Variants in GRIN2A observed in about 807,000 individuals in gnomAD.
The protein encoded by GRIN2A is glutamate ionotropic receptor NMDA type subunit 2A.
A neutral mutation model predicts 113.4 loss-of-function variants in GRIN2A; 22 were observed. The ratio of observed to expected loss-of-function variants is 0.19; its 90% CI spans 0.14 to 0.28. GRIN2A has a LOEUF of 0.28. Among genes scored for constraint, GRIN2A ranks in the 10% least tolerant of loss-of-function variants. The pLI is 1.00. For synonymous variants in GRIN2A, 827 were observed against 738.4 expected, an observed-to-expected ratio of 1.12 and a Z score of -1.94; for missense variants, 1,502 against 1,887.0, an observed-to-expected ratio of 0.80 and a Z score of 3.78.
chr16:10,169,267 T>C (rs937297122), intron 2 of GRIN2A, among the ~76,000 whole-genome samples: 5 of 152,168 alleles, frequency 3.3e-5, no homozygotes, highest in African/African-American at 1.2e-4. Flanking sequence ...ATATCACTCC[T>C]CGGAACTAAG....
chr16:9,777,567 A>C (rs527266150), intron 11 of GRIN2A, among the ~76,000 whole-genome samples: 17 of 152,382 alleles, frequency 1.1e-4, no homozygotes, highest in Non-Finnish European at 1.9e-4. Flanking sequence ...AAATGTATCC[A>C]GTTAGAGGCA....
At position 9,918,522 on chromosome 16, in the gene GRIN2A, G is replaced by C. The variant is rs1410874937; in HGVS notation, c.1007+19437C>G. ...AATATTTTCAGACTATGGGTAACTGGAATCACAGAAAGAAAAACCAAGGAT... is the reference window on the plus strand; with the variant it reads ...AATATTTTCAGACTATGGGTAACTGCAATCACAGAAAGAAAAACCAAGGAT... On this transcript the variant is annotated intron_variant, in intron 3 of 12. Coordinates refer to ENST00000330684, the MANE Select transcript of GRIN2A (RefSeq NM_001134407.3). 2.6e-5 allele frequency among the ~76,000 whole-genome samples: 4 copies of C among 152,068 alleles called. No individual in the cohort carries two copies. In the East Asian group the frequency reaches 7.7e-4, roughly 29 times the overall value.
intron 2 of GRIN2A, among the ~76,000 whole-genome samples, chr16:10,134,466 G>A (rs186042677): frequency 6.6e-6 from 1 of 150,494 alleles, no homozygotes; most frequent in East Asian, 2.0e-4. Flanking sequence ...ATCACACACC[G>A]GGGCCTGTCA....
intron 5 of GRIN2A, among the ~76,000 whole-genome samples, chr16:9,848,503 A>G (rs2042815879): frequency 6.6e-6 from 1 of 151,162 alleles, no homozygotes. Flanking sequence ...GATGTGAATC[A>G]CTGTGTCCAA....
chr16:9,842,134 C>T (rs188601993), intron 5 of GRIN2A, among the ~76,000 whole-genome samples: 3 of 152,188 alleles, frequency 2.0e-5, no homozygotes, highest in East Asian at 1.9e-4. Context: ...ACCTGTAGTT[C>T]CAGATACTCA....
Position 9,938,008 on chromosome 16 carries a change from A to G in GRIN2A, c.958T>C (p.Cys320Arg). ...FSYIPEAKAS[C>R]YGQMERPEVP... ...TCTGGCCTCTCCATCTGCCCGTAGC[A>G]GCTGGCCTTGGCCTCGGGGATGTAG... is the stretch of plus-strand genomic sequence containing the variant. Residue 320 changes from cysteine (C) to arginine (R), a missense_variant, in exon 3 of 13, where the codon TGC (cysteine) becomes CGC (arginine). Cys to Arg is a radical substitution (Grantham distance 180). Around this residue, in one of 7 missense-constraint regions of GRIN2A, gnomAD observed 334 missense variants for 403.0 expected, o/e 0.83. Transcript: ENST00000330684. 6.2e-7 allele frequency: 1 copy of G among 1,614,114 alleles called. No individual in the cohort carries two copies. The highest frequency in any genetic ancestry group is 8.5e-7 in the Non-Finnish European group (1 of 1,179,998).
chr16:9,852,385 G>C (rs1200512958), intron 4 of GRIN2A, among the ~76,000 whole-genome samples: 1 of 152,184 alleles, frequency 6.6e-6, no homozygotes, highest in Non-Finnish European at 1.5e-5. Flanking sequence ...AAGACTAGCA[G>C]AATCTTTGGT....
rs12933712 is a variant in GRIN2A at position 10,165,513 on chromosome 16, T to C, written c.414+14485A>G. Among the ~76,000 whole-genome samples, 22 of 79,266 alleles carry C rather than the reference T, an allele frequency of 2.8e-4. No homozygotes were observed. In the East Asian group the frequency reaches 0.015, roughly 52 times the overall value. 52.0% of individuals were successfully genotyped at this position (79,266 alleles called of 152,430 possible). A position where few individuals can be genotyped will look rare whatever the true frequency, so the allele number is the denominator to read the frequency against. On this transcript the variant is annotated intron_variant, in intron 2 of 12. Transcript: ENST00000330684. ...CTTATATTTTTGATATATATATACA[T>C]ATATATATATATATGTATATATATA...
intron 3 of GRIN2A, among the ~76,000 whole-genome samples, chr16:9,897,427 A>G (rs2141502540): frequency 1.3e-5 from 2 of 152,238 alleles, no homozygotes; most frequent in Admixed American, 6.5e-5. Flanking sequence ...ATGATTGAAT[A>G]TAAACGGGGC....
chr16:10,115,013 T>A (rs1297446972), intron 2 of GRIN2A, among the ~76,000 whole-genome samples: 2 of 152,264 alleles, frequency 1.3e-5, no homozygotes, highest in African/African-American at 4.8e-5. Flanking sequence ...ACTGGCCTCT[T>A]TCACTTGTTT....
intron 2 of GRIN2A, among the ~76,000 whole-genome samples, chr16:10,094,688 G>T (rs12917652): frequency 0.42 from 63,832 of 151,714 alleles, 14,916 homozygotes; most frequent in Admixed American, 0.57. Context: ...TACCTCCAGT[G>T]ATCTGCCCGC....
intron 2 of GRIN2A, among the ~76,000 whole-genome samples, chr16:9,960,500 A>G (rs1159352665): frequency 6.6e-6 from 1 of 152,242 alleles, no homozygotes; most frequent in East Asian, 1.9e-4. Flanking sequence ...ATGAAAAATT[A>G]ACTGGAAAAC....
intron 2 of GRIN2A, among the ~76,000 whole-genome samples, chr16:10,092,606 A>G (rs975134798): frequency 3.2e-4 from 49 of 152,230 alleles, no homozygotes; most frequent in African/African-American, 1.1e-3. Flanking sequence ...AAACATATAA[A>G]ATATATTAAC....
intron 2 of GRIN2A, among the ~76,000 whole-genome samples, chr16:10,171,128 T>C (rs1279353712): frequency 1.3e-5 from 2 of 152,162 alleles, no homozygotes; most frequent in African/African-American, 2.4e-5. Flanking sequence ...GCCCCTTCCC[T>C]AAATCAAATG....
At chr16:9,811,053 T>C (rs1277244238) in intron 10 of GRIN2A, among the ~76,000 whole-genome samples, 1 of 152,176 alleles carries the variant, frequency 6.6e-6, no homozygotes, top group East Asian at 1.9e-4. Flanking sequence ...GGCTGATACA[T>C]TAACACCATG....
At chr16:9,924,107 T>C (rs1166839082) in intron 3 of GRIN2A, among the ~76,000 whole-genome samples, 1 of 118,366 alleles carries the variant, frequency 8.4e-6, no homozygotes, top group African/African-American at 3.4e-5. Flanking sequence ...TGAGACTTGG[T>C]CTCAAAAAAA....
chr16:9,950,005 A>T (rs754701830), intron 2 of GRIN2A, among the ~76,000 whole-genome samples: 10 of 152,158 alleles, frequency 6.6e-5, no homozygotes, highest in Non-Finnish European at 1.3e-4. Flanking sequence ...AACTCTCACA[A>T]TCTGAAGGCA....
chr16:9,968,663 G>A (rs1187627762), intron 2 of GRIN2A, among the ~76,000 whole-genome samples: 5 of 150,844 alleles, frequency 3.3e-5, no homozygotes, highest in African/African-American at 4.9e-5. Context: ...GCGGGAGTGC[G>A]GTGGCGTGAT....
At position 9,779,861 on chromosome 16, in the gene GRIN2A, G is replaced by A. The variant is rs939536384; in HGVS notation, c.2357-10772C>T. Among the ~76,000 whole-genome samples, 6 of 152,264 alleles carry A rather than the reference G, an allele frequency of 3.9e-5. No individual in the cohort carries two copies. The East Asian group carries it at 9.7e-4, about 25-fold the overall frequency. ...CAGGGATGAGTGGAAGAGCACATGC[G>A]GGTGGCAGAGAAGCTAGATATCAAT... On this transcript the variant is annotated intron_variant, in intron 11 of 12. Coordinates refer to ENST00000330684, the MANE Select transcript of GRIN2A (RefSeq NM_001134407.3).
Sources: gnomAD v4.1 joint callset for allele counts (sites outside exome capture counted in the v4.1 genomes callset) on GRCh38, gnomAD v4.1.1 for gene constraint, gnomAD v4.1.1 regional missense constraint, MANE v1.5 for transcripts, NCBI Gene and HGNC (gene_info 2026-07-23, HGNC 2026-07-21) for gene names.